The following CEMIP variants were observed in gnomAD, a reference collection of about 807,000 sequenced individuals.
CEMIP encodes cell migration inducing hyaluronidase 1.
Under a neutral mutation model 156.9 loss-of-function variants are expected in CEMIP, and 105 were observed. The observed-to-expected ratio is 0.67, with a 90% CI of 0.57 to 0.79. CEMIP has a LOEUF of 0.79. CEMIP is among the 30% of genes least tolerant of loss of function. The pLI, the probability that CEMIP is intolerant of heterozygous loss-of-function variation, is 0.00. For missense variants in CEMIP, 1,457 were observed against 1,769.4 expected, an observed-to-expected ratio of 0.82 and a Z score of 3.17; for synonymous variants, 676 against 668.4, an observed-to-expected ratio of 1.01 and a Z score of -0.17.
intron 6 of CEMIP, 43 bp downstream of exon 6, chr15:80,881,179 G>T (rs1898646047): frequency 1.3e-6 from 2 of 1,548,690 alleles, no homozygotes; most frequent in Non-Finnish European, 1.8e-6. Flanking sequence ...TTCATTCAAA[G>T]TACACTTATT....
intron 12 of CEMIP, among the ~76,000 whole-genome samples, chr15:80,898,013 G>A (rs117923727): frequency 1.1e-3 from 165 of 152,366 alleles, no homozygotes; most frequent in Admixed American, 1.8e-3. Context: ...ACAACAATGT[G>A]AGCAGCAATG....
chr15:80,896,201 A>G, intron 12 of CEMIP, 141 bp downstream of exon 12: 1 of 851,602 alleles, frequency 1.2e-6, no homozygotes, highest in East Asian at 2.6e-5. Flanking sequence ...TTAAAACTTC[A>G]TGACAGGTCT....
intron 1 of CEMIP, among the ~76,000 whole-genome samples, chr15:80,854,633 G>T (rs574442250): frequency 3.3e-5 from 5 of 152,164 alleles, no homozygotes; most frequent in African/African-American, 1.2e-4. Context: ...ACTGCAAACC[G>T]GGTGCTTTCC....
chr15:80,905,558 G>A (rs1255351101), intron 12 of CEMIP, among the ~76,000 whole-genome samples: 3 of 152,172 alleles, frequency 2.0e-5, no homozygotes, highest in African/African-American at 7.2e-5. Flanking sequence ...TGGAGTGATG[G>A]GAGGGAGAGA....
At chr15:80,821,262 C>G (rs1896901583) in intron 1 of CEMIP, among the ~76,000 whole-genome samples, 1 of 152,170 alleles carries the variant, frequency 6.6e-6, no homozygotes, top group South Asian at 2.1e-4. Context: ...ATTCAGGAAC[C>G]TTAATTTCTG....
intron 3 of CEMIP, among the ~76,000 whole-genome samples, chr15:80,874,863 GT>G (rs1173664519): frequency 6.6e-6 from 1 of 152,082 alleles, no homozygotes; most frequent in Non-Finnish European, 1.5e-5. Context: ...TGTCCATTGA[GT>G]TTGATGCTTT....
chr15:80,937,674 C>A (rs1250652480), intron 24 of CEMIP, 120 bp from the exon 25 acceptor site: 3 of 882,706 alleles, frequency 3.4e-6, no homozygotes, highest in Non-Finnish European at 5.6e-6. Context: ...CAAAATTTCC[C>A]ATACAAAAGT....
intron 1 of CEMIP, among the ~76,000 whole-genome samples, chr15:80,860,432 G>A (rs1474208987): frequency 1.3e-5 from 2 of 152,210 alleles, no homozygotes; most frequent in African/African-American, 4.8e-5. Context: ...CTGAGATGAT[G>A]TACTTGCAGT....
chr15:80,941,101 C>T (rs1016764202), intron 25 of CEMIP, among the ~76,000 whole-genome samples: 2 of 152,034 alleles, frequency 1.3e-5, no homozygotes, highest in Non-Finnish European at 2.9e-5. Flanking sequence ...GGTTTGGGGG[C>T]GAGGGCATTG....
intron 1 of CEMIP, among the ~76,000 whole-genome samples, chr15:80,827,901 C>T (rs1897074674): frequency 6.6e-6 from 1 of 152,180 alleles, no homozygotes; most frequent in South Asian, 2.1e-4. Context: ...TCTAAATTAT[C>T]CCCATCTCCC....
intron 1 of CEMIP, among the ~76,000 whole-genome samples, chr15:80,785,308 A>G (rs1057183148): frequency 6.6e-6 from 1 of 152,182 alleles, no homozygotes; most frequent in Non-Finnish European, 1.5e-5. Context: ...TTTGAACCTG[A>G]AAATGAAATT....
intron 23 of CEMIP, among the ~76,000 whole-genome samples, chr15:80,935,077 T>C (rs1480590035): frequency 6.6e-6 from 1 of 152,170 alleles, no homozygotes; most frequent in African/African-American, 2.4e-5. Context: ...TTCTCAGCCC[T>C]GCTCAAGAGC....
chr15:80,856,163 G>A (rs1897848716), intron 1 of CEMIP, among the ~76,000 whole-genome samples: 1 of 152,240 alleles, frequency 6.6e-6, no homozygotes, highest in Admixed American at 6.5e-5. Context: ...CTGGGGTGAT[G>A]ATAATGTTCT....
At chr15:80,918,434 G>C (rs1900354373) in intron 14 of CEMIP, among the ~76,000 whole-genome samples, 1 of 152,170 alleles carries the variant, frequency 6.6e-6, no homozygotes, top group South Asian at 2.1e-4. Flanking sequence ...AACTGAAGGG[G>C]TTTTCCTGGC....
intron 14 of CEMIP, among the ~76,000 whole-genome samples, chr15:80,910,311 T>TGGGC (rs1199078833): frequency 7.9e-5 from 12 of 152,122 alleles, no homozygotes; most frequent in Non-Finnish European, 1.6e-4. Context: ...GACAGGTGGG[T>TGGGC]GGGCATTCTC....
intron 23 of CEMIP, 138 bp from the exon 24 acceptor site, chr15:80,936,535 CA>C (rs1901127303): frequency 2.5e-6 from 2 of 798,852 alleles, no homozygotes; most frequent in Non-Finnish European, 4.4e-6. Context: ...GCCTTTCTTT[CA>C]TTCAAGCCTT....
At chr15:80,930,905 T>A (rs1300853610) in intron 21 of CEMIP, among the ~76,000 whole-genome samples, 1 of 152,148 alleles carries the variant, frequency 6.6e-6, no homozygotes, top group African/African-American at 2.4e-5. Context: ...AGCATAAGCA[T>A]ACATGTTGGG....
intron 1 of CEMIP, among the ~76,000 whole-genome samples, chr15:80,831,970 C>T (rs1314362858): frequency 2.0e-5 from 3 of 152,096 alleles, no homozygotes; most frequent in Non-Finnish European, 4.4e-5. Context: ...AGGAAGAGAC[C>T]GAGATAGAAA....
chr15:80,900,638 G>GTGTCTGTGTGTGTGTCTGTGTGTGTGTC (rs1899466705), intron 12 of CEMIP, among the ~76,000 whole-genome samples: 4 of 101,924 alleles, frequency 3.9e-5, no homozygotes, highest in Non-Finnish European at 4.2e-5. Context: ...GTGTGTGTGT[G>GTGTCTGTGTGTGTGTCTGTGTGTGTGTC]TGTGTGTGTG....
Sources: allele counts gnomAD v4.1 joint callset (sites outside exome capture counted in the v4.1 genomes callset), GRCh38; gene constraint gnomAD v4.1.1; transcripts MANE v1.5; gene names NCBI Gene and HGNC (gene_info 2026-07-23, HGNC 2026-07-21).